The following PABPC4L variants were observed in gnomAD, a reference collection of about 807,000 sequenced individuals.
PABPC4L encodes the protein poly(A) binding protein cytoplasmic 4 like.
For missense variants in PABPC4L, 452 were observed against 451.4 expected (o/e 1.00, Z -0.01); for synonymous variants, 169 against 164.1 (o/e 1.03, Z -0.23).
the PABPC4L span, among the ~76,000 whole-genome samples, chr4:134,008,642 T>C: frequency 1.6e-3 from 242 of 151,906 alleles, no homozygotes; most frequent in Non-Finnish European, 2.8e-3. Flanking sequence ...AATACGGAGA[T>C]ATAGTGAGAT....
At chr4:134,038,654 G>C in the PABPC4L span, among the ~76,000 whole-genome samples, 2 of 152,058 alleles carry the variant, frequency 1.3e-5, no homozygotes, top group African/African-American at 4.8e-5. Flanking sequence ...ATTTTTGTGG[G>C]ATCGGTGGTG....
the PABPC4L span, among the ~76,000 whole-genome samples, chr4:133,955,361 A>G: frequency 6.6e-6 from 1 of 152,150 alleles, no homozygotes; most frequent in Non-Finnish European, 1.5e-5. Flanking sequence ...CTCATAATTT[A>G]TAATTCAAAA....
chr4:134,161,467 C>T, the PABPC4L span, among the ~76,000 whole-genome samples: 7 of 152,082 alleles, frequency 4.6e-5, no homozygotes, highest in Admixed American at 1.3e-4. Context: ...AGTTAAAATA[C>T]ATCTGGAAGC....
the PABPC4L span, among the ~76,000 whole-genome samples, chr4:133,971,794 C>A: frequency 6.6e-6 from 1 of 152,160 alleles, no homozygotes; most frequent in African/African-American, 2.4e-5. Context: ...GAACAGCATG[C>A]TTTTTCTCCC....
At chr4:134,040,540 C>A in the PABPC4L span, among the ~76,000 whole-genome samples, 2 of 152,152 alleles carry the variant, frequency 1.3e-5, no homozygotes, top group Non-Finnish European at 2.9e-5. Flanking sequence ...AAAGCTGAAA[C>A]TGGATCCCTT....
chr4:133,974,199 C>A, the PABPC4L span, among the ~76,000 whole-genome samples: 2 of 151,902 alleles, frequency 1.3e-5, no homozygotes, highest in Non-Finnish European at 2.9e-5. Context: ...TCCAAAAAAA[C>A]CCCTCAAATT....
chr4:134,033,208 G>A, the PABPC4L span, among the ~76,000 whole-genome samples: 1 of 151,508 alleles, frequency 6.6e-6, no homozygotes. Flanking sequence ...TATTACAATT[G>A]TAACTGTTCT....
chr4:134,024,632 C>G, the PABPC4L span, among the ~76,000 whole-genome samples: 1 of 152,056 alleles, frequency 6.6e-6, no homozygotes, highest in African/African-American at 2.4e-5. Context: ...CTCCAACTCT[C>G]TAGTGATATT....
chr4:134,004,120 CA>C, the PABPC4L span, among the ~76,000 whole-genome samples: 392 of 151,758 alleles, frequency 2.6e-3, 2 homozygotes, highest in African/African-American at 8.8e-3. Flanking sequence ...GCACAGGCAA[CA>C]AAAGCAAAAA....
chr4:134,084,719 G>T, the PABPC4L span, among the ~76,000 whole-genome samples: 5 of 152,184 alleles, frequency 3.3e-5, no homozygotes, highest in African/African-American at 1.2e-4. Context: ...GAAGAAGACT[G>T]AAGTAATACA....
chr4:134,092,570 T>C, the PABPC4L span, among the ~76,000 whole-genome samples: 3 of 152,078 alleles, frequency 2.0e-5, no homozygotes, highest in East Asian at 5.8e-4. Flanking sequence ...CTTAGCCATC[T>C]ATGGACTGCC....
At chr4:134,170,218 C>T in the PABPC4L span, among the ~76,000 whole-genome samples, 1 of 152,232 alleles carries the variant, frequency 6.6e-6, no homozygotes, top group East Asian at 1.9e-4. Flanking sequence ...CTCTATACTG[C>T]TGCAAAGGAC....
chr4:134,015,407 T>C, the PABPC4L span, among the ~76,000 whole-genome samples: 7 of 152,134 alleles, frequency 4.6e-5, no homozygotes, highest in African/African-American at 1.7e-4. Flanking sequence ...TTATTCTGTT[T>C]CGGATCTCAA....
chr4:134,152,529 C>G, the PABPC4L span, among the ~76,000 whole-genome samples: 1 of 152,064 alleles, frequency 6.6e-6, no homozygotes. Flanking sequence ...CCTCCGAAAC[C>G]TAGGTGAATG....
At chr4:134,186,671 C>G in the PABPC4L span, among the ~76,000 whole-genome samples, 1 of 152,066 alleles carries the variant, frequency 6.6e-6, no homozygotes, top group Non-Finnish European at 1.5e-5. Context: ...GCAATGGCAA[C>G]GAAAGCCAAA....
At chr4:134,010,265 T>C in the PABPC4L span, among the ~76,000 whole-genome samples, 1 of 152,116 alleles carries the variant, frequency 6.6e-6, no homozygotes, top group Non-Finnish European at 1.5e-5. Flanking sequence ...TATATTTTAA[T>C]GCTTTTAGGT....
the PABPC4L span, among the ~76,000 whole-genome samples, chr4:134,100,557 G>A: frequency 6.6e-5 from 10 of 151,470 alleles, no homozygotes; most frequent in African/African-American, 2.2e-4. Flanking sequence ...ATGCAACCTG[G>A]GTGCACACGC....
At chr4:134,139,152 C>T in the PABPC4L span, among the ~76,000 whole-genome samples, 1 of 151,826 alleles carries the variant, frequency 6.6e-6, no homozygotes, top group East Asian at 1.9e-4. Flanking sequence ...TGCTAACTGT[C>T]CAATATTTAG....
chr4:133,971,828 T>TC, the PABPC4L span, among the ~76,000 whole-genome samples: 1 of 152,174 alleles, frequency 6.6e-6, no homozygotes, highest in African/African-American at 2.4e-5. Flanking sequence ...CAACCTTAGA[T>TC]CCCACAGATT....
Sources: allele counts gnomAD v4.1 joint callset (sites outside exome capture counted in the v4.1 genomes callset), GRCh38; gene constraint gnomAD v4.1.1; transcripts MANE v1.5; gene names NCBI Gene and HGNC (gene_info 2026-07-23, HGNC 2026-07-21).